The following ERN1 variants were observed in gnomAD, a reference collection of about 807,000 sequenced individuals.
ERN1 encodes serine/threonine-protein kinase/endoribonuclease IRE1.
In ERN1, 39 loss-of-function variants were observed where a neutral mutation model predicts 113.1. The ratio of observed to expected loss-of-function variants is 0.34; its 90% CI spans 0.27 to 0.45. ERN1 has a LOEUF of 0.45. ERN1 is among the 20% of genes least tolerant of loss of function. The pLI is 1.00. For synonymous variants in ERN1, 507 were observed against 515.9 expected (o/e 0.98, Z 0.23); for missense variants, 976 against 1,274.8 (o/e 0.77, Z 3.57).
chr17:64,057,489 C>T (rs1291468490), intron 12 of ERN1, among the ~76,000 whole-genome samples: 3 of 152,140 alleles, frequency 2.0e-5, no homozygotes, highest in Non-Finnish European at 4.4e-5. Context: ...CTGCCTCAGC[C>T]TCCAGAGTGG....
chr17:64,054,871 A>T lies in ERN1; in HGVS notation c.1673-43T>A. ...AAAGAGATTGTTTCAAACAGATATC[A>T]CCTAAAGAACCTTGAGGTTAACATA... On this transcript the variant is annotated intron_variant, in intron 13 of 21. Transcript: ENST00000433197. This position sits in a 1 kb window ranked among gnomAD's most constrained non-coding sequence, Gnocchi z 4.9. 7.0e-7 allele frequency: 1 copy of T among 1,419,708 alleles called. No homozygotes were observed. Among genetic ancestry groups the T allele is most frequent in the Middle Eastern group, 2.0e-4 (1 of 5,124 alleles). The allele number at this position is 1,419,708 out of a possible 1,614,324, so 87.9% of individuals were successfully genotyped here. A position where few individuals can be genotyped will look rare whatever the true frequency, so the allele number is the denominator to read the frequency against.
chr17:64,098,075 C>A, intron 2 of ERN1, 46 bp downstream of exon 2: 2 of 1,608,122 alleles, frequency 1.2e-6, no homozygotes, highest in Non-Finnish European at 1.7e-6. Flanking sequence ...TCTGTGGAAC[C>A]AGTTAAGCAA....
At chr17:64,108,246 G>C (rs1368344228) in intron 1 of ERN1, among the ~76,000 whole-genome samples, 1 of 151,402 alleles carries the variant, frequency 6.6e-6, no homozygotes, top group African/African-American at 2.4e-5. Flanking sequence ...CTGTATTCCT[G>C]AATGCAAAGG....
In ERN1 at chr17:64,080,773, A is replaced by C; in HGVS notation, c.209+2T>G. ...AAGTACTGAGCGAATCAGAAAACTT[A>C]CTCTTCCACATGTGTTGGGACCTGC... On this transcript the variant is annotated splice_donor_variant, in intron 3 of 21. Transcript: ENST00000433197. LOFTEE classifies it high-confidence loss of function. The C allele has an allele frequency of 6.2e-7, 1 of 1,609,982 alleles. No homozygotes were observed.
chr17:64,053,275 T>C lies in ERN1; in HGVS notation c.2050A>G (p.Ile684Val). The change falls in exon 16 of 22, where the codon ATC becomes GTC. Residue 684 changes from isoleucine to valine, a missense_variant. This residue lies in a region of ERN1 where 297 missense variants were observed against 457.8 expected (regional missense o/e 0.65). Transcript: ENST00000433197. Reference sequence around the variant, plus strand: ...CTGGTAAAGTGCAGCCTCTCACCGATGTTGAGGGAGTGGAGGTGGGCCAGG... The same window carrying C: ...CTGGTAAAGTGCAGCCTCTCACCGACGTTGAGGGAGTGGAGGTGGGCCAGG... ...SGLAHLHSLN[I>V]VHRDLKPHNI... is the part of the protein sequence containing the mutation. The C allele has an allele frequency of 1.9e-6, 3 of 1,604,878 alleles. No individual in the cohort carries two copies. Among genetic ancestry groups the C allele is most frequent in the South Asian group, 1.1e-5 (1 of 90,500 alleles).
chr17:64,121,806 A>G (rs1253694889), intron 1 of ERN1, among the ~76,000 whole-genome samples: 1 of 151,470 alleles, frequency 6.6e-6, no homozygotes, highest in African/African-American at 2.4e-5. Flanking sequence ...TTTAATCCCT[A>G]CTCTCTCCAT....
At chr17:64,082,980 G>A (rs558366610) in intron 2 of ERN1, among the ~76,000 whole-genome samples, 1 of 152,174 alleles carries the variant, frequency 6.6e-6, no homozygotes, top group Non-Finnish European at 1.5e-5. Flanking sequence ...CCCAGGTAAA[G>A]ACACAATTAT....
intron 2 of ERN1, among the ~76,000 whole-genome samples, chr17:64,093,632 G>T (rs1185169453): frequency 6.6e-6 from 1 of 152,090 alleles, no homozygotes; most frequent in Non-Finnish European, 1.5e-5. Context: ...AGCGAGCTCT[G>T]GTCTCTCCCT....
chr17:64,067,024 A>G, intron 7 of ERN1, 92 bp from the exon 8 acceptor site: 2 of 1,340,720 alleles, frequency 1.5e-6, no homozygotes, highest in Non-Finnish European at 2.1e-6. Flanking sequence ...TCACTCAGTT[A>G]GAGGAAACAA....
intron 1 of ERN1, among the ~76,000 whole-genome samples, chr17:64,127,452 T>A (rs935764846): frequency 1.3e-5 from 2 of 151,778 alleles, no homozygotes; most frequent in African/African-American, 2.4e-5. Context: ...CAGGAAGGAG[T>A]CTCTAAGAAG....
Position 64,094,424 on chromosome 17 carries a change from A to C in ERN1, c.175+3697T>G, listed in dbSNP as rs151072482. ...AGATTACCAGTTCGGTAATATGTTT[A>C]TTTCTTTTTGAAACTGTGTATACGT... is the stretch of plus-strand genomic sequence containing the variant. On this transcript the variant is annotated intron_variant, in intron 2 of 21. Coordinates refer to ENST00000433197, the MANE Select transcript of ERN1 (RefSeq NM_001433.5). 1.1e-4 allele frequency among the ~76,000 whole-genome samples: 17 copies of C among 152,194 alleles called. No individual in the cohort carries two copies. The East Asian group carries it at 3.1e-3, about 28-fold the overall frequency.
chr17:64,101,614 C>T (rs1914386954), intron 1 of ERN1, among the ~76,000 whole-genome samples: 2 of 152,084 alleles, frequency 1.3e-5, no homozygotes, highest in African/African-American at 2.4e-5. Flanking sequence ...TCAGCAAGTG[C>T]CTAAGTTCCA....
Position 64,057,804 on chromosome 17 carries a change from G to A in ERN1, c.1396C>T (p.Leu466=), listed in dbSNP as rs1912920441. 5 of 1,613,188 alleles carry A rather than the reference G, an allele frequency of 3.1e-6. No individual in the cohort carries two copies. Among genetic ancestry groups the A allele is most frequent in the African/African-American group, 1.3e-5 (1 of 74,928 alleles). Residue 466 remains leucine (L), a splice_region_variant and synonymous_variant, in exon 12 of 22, where the codon CTG becomes TTG. Transcript: ENST00000433197. ...AAAGGGGAATTGTTGAGCTTTACCA[G>A]GGGATAGGTGATGATGAAGGCCACC... ...GWVAFIITYP[L]SMHQQQQLQH...
intron 1 of ERN1, among the ~76,000 whole-genome samples, chr17:64,126,384 T>G (rs569833249): frequency 5.8e-4 from 88 of 152,286 alleles, no homozygotes; most frequent in African/African-American, 1.7e-3. Context: ...CCAAGGATTC[T>G]TTCACCTGAA....
At chr17:64,119,919 T>G (rs1914912981) in intron 1 of ERN1, among the ~76,000 whole-genome samples, 1 of 151,886 alleles carries the variant, frequency 6.6e-6, no homozygotes, top group Admixed American at 6.6e-5. Flanking sequence ...CCTTAAAACA[T>G]TTTTTGCTGG....
chr17:64,113,243 T>C (rs185847017), intron 1 of ERN1, among the ~76,000 whole-genome samples: 35 of 152,328 alleles, frequency 2.3e-4, no homozygotes, highest in Non-Finnish European at 4.4e-4. Context: ...GCTGTGTGGA[T>C]GTTTGTTTTT....
intron 1 of ERN1, among the ~76,000 whole-genome samples, chr17:64,112,871 C>T (rs1189003931): frequency 6.6e-6 from 1 of 152,180 alleles, no homozygotes; most frequent in Admixed American, 6.5e-5. Flanking sequence ...GACTCTGAGG[C>T]CTGGTGTGAG....
At chr17:64,116,165 AG>A (rs1432568496) in intron 1 of ERN1, among the ~76,000 whole-genome samples, 3 of 152,212 alleles carry the variant, frequency 2.0e-5, no homozygotes, top group African/African-American at 7.2e-5. Context: ...GCTGATTCCC[AG>A]GCACACCTAC....
chr17:64,045,282 C>T, intron 20 of ERN1, 77 bp downstream of exon 20: 1 of 1,574,788 alleles, frequency 6.4e-7, no homozygotes, highest in Non-Finnish European at 8.7e-7. Context: ...CCTGGAGCGG[C>T]CATTTCCACG....
Sources: gnomAD v4.1 joint callset for allele counts (sites outside exome capture counted in the v4.1 genomes callset) on GRCh38, gnomAD v4.1.1 for gene constraint, gnomAD v4.1.1 regional missense constraint, Gnocchi (gnomAD v3.1) non-coding constraint, MANE v1.5 for transcripts, NCBI Gene and HGNC (gene_info 2026-07-23, HGNC 2026-07-21) for gene names.